The following BCL11A variants were observed in gnomAD, a reference collection of about 807,000 sequenced individuals.
BCL11A encodes B cell CLL/lymphoma 11A.
In BCL11A, 2 loss-of-function variants were observed where a neutral mutation model predicts 55.9. The ratio of observed to expected loss-of-function variants is 0.04; its 90% confidence interval spans 0.01 to 0.11. The LOEUF (loss-of-function observed/expected upper bound fraction) is 0.11. Among genes scored for constraint, BCL11A ranks in the 10% least tolerant of loss-of-function variants. The pLI is 1.00. For missense variants in BCL11A, 817 were observed against 1,137.1 expected (o/e 0.72, Z 4.05); for synonymous variants, 465 against 473.4 (o/e 0.98, Z 0.23).
chr2:60,530,783 T>C (rs756538781), intron 2 of BCL11A, among the ~76,000 whole-genome samples: 9 of 151,472 alleles, frequency 5.9e-5, no homozygotes, highest in Non-Finnish European at 1.0e-4. Context: ...AGTTCATCTG[T>C]TAATGGACAA....
At chr2:60,519,965 C>G (rs1269896843) in intron 2 of BCL11A, among the ~76,000 whole-genome samples, 1 of 152,214 alleles carries the variant, frequency 6.6e-6, no homozygotes, top group Non-Finnish European at 1.5e-5. Flanking sequence ...ATTCTCCCCT[C>G]TCTCTGGCAG....
In BCL11A at chr2:60,460,040, C is replaced by CT; in HGVS notation, c.*363dup. 1.8e-6 allele frequency: 2 copies of CT among 1,084,512 alleles called. No homozygotes were observed. Among genetic ancestry groups the CT allele is most frequent in the Non-Finnish European group, 2.2e-6 (2 of 892,340 alleles). The allele number at this position is 1,084,512 out of a possible 1,614,324, so 67.2% of individuals were successfully genotyped here. On this transcript the variant is annotated 3_prime_UTR_variant, in exon 4 of 4. Coordinates refer to ENST00000642384, the MANE Select transcript of BCL11A (RefSeq NM_022893.4). ...AAATAGCCATAACATACCATACATG[C>CT]TGTCTAAGTTTAAAAAAAAACATAC...
chr2:60,483,584 G>C (rs909455375), intron 2 of BCL11A, among the ~76,000 whole-genome samples: 6 of 152,234 alleles, frequency 3.9e-5, no homozygotes, highest in African/African-American at 1.4e-4. Context: ...CAACAACTCA[G>C]ACCCTGTGGA....
intron 2 of BCL11A, among the ~76,000 whole-genome samples, chr2:60,529,579 A>G (rs990975413): frequency 6.6e-6 from 1 of 152,082 alleles, no homozygotes; most frequent in Admixed American, 6.5e-5. Context: ...GGTGGGAGAG[A>G]AGACTGCCTC....
At chr2:60,553,662 A>C, upstream of BCL11A, 3 of 255,004 alleles carry the variant, frequency 1.2e-5, no homozygotes, top group Non-Finnish European at 2.2e-5. Flanking sequence ...GACACACAAA[A>C]CATGGGCAGG....
chr2:60,451,508 T>A (rs754480028), exon 5 of BCL11A: 4 of 231,412 alleles, frequency 1.7e-5, no homozygotes, highest in Admixed American at 1.1e-4. Context: ...TTCTAAGGAA[T>A]AGAGCATTGC....
chr2:60,479,469 G>A (rs1469721079), intron 2 of BCL11A, among the ~76,000 whole-genome samples: 1 of 152,212 alleles, frequency 6.6e-6, no homozygotes, highest in African/African-American at 2.4e-5. Flanking sequence ...CTAGGAACAG[G>A]AAAGAATAAC....
At chr2:60,478,864 T>C (rs543055793) in intron 2 of BCL11A, among the ~76,000 whole-genome samples, 42 of 152,214 alleles carry the variant, frequency 2.8e-4, no homozygotes, top group Non-Finnish European at 5.3e-4. Flanking sequence ...CCTCAGCACC[T>C]TCCCGCCTCC....
chr2:60,470,792 GTTTGTTTTTGTT>G (rs906894492), intron 2 of BCL11A, among the ~76,000 whole-genome samples: 19 of 152,280 alleles, frequency 1.2e-4, no homozygotes, highest in African/African-American at 1.9e-4. Context: ...TGGCAGCATA[GTTTGTTTTTGTT>G]TTTGTTTTTG....
intron 2 of BCL11A, among the ~76,000 whole-genome samples, chr2:60,471,759 T>C (rs901367943): frequency 2.0e-5 from 3 of 152,140 alleles, no homozygotes; most frequent in African/African-American, 7.2e-5. Flanking sequence ...TTGTTAGTGC[T>C]CTTAGGCAAG....
At chr2:60,501,902 C>T (rs886226768) in intron 2 of BCL11A, among the ~76,000 whole-genome samples, 4 of 152,150 alleles carry the variant, frequency 2.6e-5, no homozygotes, top group Non-Finnish European at 4.4e-5. Flanking sequence ...ATATCAGCCC[C>T]TCTGCCTCTC....
chr2:60,498,678 A>C (rs1679097314), intron 2 of BCL11A, among the ~76,000 whole-genome samples: 1 of 150,790 alleles, frequency 6.6e-6, no homozygotes, highest in Non-Finnish European at 1.5e-5. Flanking sequence ...CTCACATAAG[A>C]TCAGTAAAGA....
intron 2 of BCL11A, chr2:60,483,944 C>T (rs1323107934): frequency 6.6e-6 from 1 of 151,458 alleles, no homozygotes; most frequent in Non-Finnish European, 1.5e-5. Context: ...GGTCTCATAG[C>T]TTCTGTTAAA....
At chr2:60,491,198 G>A (rs1180365237) in intron 2 of BCL11A, among the ~76,000 whole-genome samples, 1 of 152,196 alleles carries the variant, frequency 6.6e-6, no homozygotes, top group African/African-American at 2.4e-5. Context: ...AAAGAAGTTA[G>A]TCTCAGCCAC....
Position 60,459,953 on chromosome 2 carries a change from T to A in BCL11A, c.*451A>T. ...GTCTTTTTCTCTCTCTCTCTCTTTT[T>A]CTCTCAGAACGGAACTGGAAACAGC... On this transcript the variant is annotated 3_prime_UTR_variant, in exon 4 of 4. Coordinates refer to ENST00000642384, the MANE Select transcript of BCL11A (RefSeq NM_022893.4). 1.9e-6 allele frequency: 2 copies of A among 1,064,186 alleles called. No homozygotes were observed. The highest frequency in any genetic ancestry group is 2.3e-6 in the Non-Finnish European group (2 of 878,640). 65.9% of individuals were successfully genotyped at this position (1,064,186 alleles called of 1,614,324 possible). A position where few individuals can be genotyped will look rare whatever the true frequency, so the allele number is the denominator to read the frequency against.
At chr2:60,507,924 C>CA (rs377659913) in intron 2 of BCL11A, among the ~76,000 whole-genome samples, 2 of 151,290 alleles carry the variant, frequency 1.3e-5, no homozygotes, top group Admixed American at 6.6e-5. Flanking sequence ...AGCAAAAGAA[C>CA]AAAAAAAAAT....
intron 2 of BCL11A, chr2:60,541,667 T>G (rs1220152579): frequency 4.9e-6 from 2 of 409,250 alleles, no homozygotes; most frequent in Admixed American, 4.6e-5. Flanking sequence ...TAGGTACTTA[T>G]TAGAAAACAA....
chr2:60,491,325 C>A (rs928914344), intron 2 of BCL11A, among the ~76,000 whole-genome samples: 1 of 152,216 alleles, frequency 6.6e-6, no homozygotes, highest in African/African-American at 2.4e-5. Flanking sequence ...AACATGGACA[C>A]TTTTGGCCCC....
At chr2:60,535,923 A>AGAATCCTTTGCTTCTTGCTT (rs1424888489) in intron 2 of BCL11A, 1 of 152,230 alleles carries the variant, frequency 6.6e-6, no homozygotes, top group Non-Finnish European at 1.5e-5. Flanking sequence ...AGTCTGGAGA[A>AGAATCCTTTGCTTCTTGCTT]GAATCCTTTG....
Sources: allele counts gnomAD v4.1 joint callset (sites outside exome capture counted in the v4.1 genomes callset), GRCh38; gene constraint gnomAD v4.1.1; transcripts MANE v1.5; gene names NCBI Gene and HGNC (gene_info 2026-07-23, HGNC 2026-07-21).